Variants in NALF1 observed in about 807,000 individuals in gnomAD.
NALF1 encodes NALCN channel auxiliary factor 1.
In NALF1, 3 loss-of-function variants were observed where a neutral mutation model predicts 48.4. The ratio of observed to expected loss-of-function variants is 0.06; its 90% CI spans 0.03 to 0.16. NALF1 has a LOEUF of 0.16. Among genes scored for constraint, NALF1 ranks in the 10% least tolerant of loss-of-function variants. The pLI is 1.00. For synonymous variants in NALF1, 262 were observed against 245.7 expected (o/e 1.07, Z -0.62); for missense variants, 526 against 571.5 (o/e 0.92, Z 0.81).
intron 1 of NALF1, among the ~76,000 whole-genome samples, chr13:107,782,594 A>T (rs1483487578): frequency 4.9e-5 from 7 of 141,772 alleles, no homozygotes; most frequent in African/African-American, 1.9e-4. Flanking sequence ...CTGCCATCCC[A>T]TCTAGGAAGT....
At chr13:107,640,997 G>A (rs1347915718) in intron 1 of NALF1, among the ~76,000 whole-genome samples, 1 of 152,174 alleles carries the variant, frequency 6.6e-6, no homozygotes, top group Non-Finnish European at 1.5e-5. Flanking sequence ...GCCAAAATAT[G>A]AAATCAACCT....
At chr13:107,174,016 C>A (rs1460972073) in intron 2 of NALF1, among the ~76,000 whole-genome samples, 1 of 152,114 alleles carries the variant, frequency 6.6e-6, no homozygotes, top group African/African-American at 2.4e-5. Flanking sequence ...GTTCCAAGAG[C>A]TCCTTTGTGT....
At chr13:107,756,704 G>T (rs1486734499) in intron 1 of NALF1, among the ~76,000 whole-genome samples, 1 of 152,040 alleles carries the variant, frequency 6.6e-6, no homozygotes, top group Non-Finnish European at 1.5e-5. Flanking sequence ...CACGTCATGG[G>T]TCGGAGGCCA....
At chr13:107,776,309 T>C (rs556913447) in intron 1 of NALF1, among the ~76,000 whole-genome samples, 1 of 152,266 alleles carries the variant, frequency 6.6e-6, no homozygotes, top group East Asian at 1.9e-4. Flanking sequence ...TTTTAATGTC[T>C]AGGTACCTTG....
At chr13:107,537,039 T>C (rs960461794) in intron 1 of NALF1, among the ~76,000 whole-genome samples, 1 of 152,026 alleles carries the variant, frequency 6.6e-6, no homozygotes, top group East Asian at 1.9e-4. Flanking sequence ...ATGAGAACAC[T>C]TGGACACAGG....
intron 1 of NALF1, among the ~76,000 whole-genome samples, chr13:107,280,624 A>T (rs912689765): frequency 3.3e-5 from 5 of 152,250 alleles, no homozygotes; most frequent in Non-Finnish European, 7.3e-5. Context: ...TTCTTAGCAT[A>T]AAATTTTTCC....
At chr13:107,629,997 T>C (rs942834677) in intron 1 of NALF1, among the ~76,000 whole-genome samples, 2 of 152,132 alleles carry the variant, frequency 1.3e-5, no homozygotes, top group African/African-American at 4.8e-5. Flanking sequence ...ATCTGTCTAT[T>C]TGTCTAATCT....
chr13:107,677,320 G>A (rs1025217327), intron 1 of NALF1, among the ~76,000 whole-genome samples: 13 of 152,160 alleles, frequency 8.5e-5, no homozygotes, highest in Admixed American at 2.0e-4. Flanking sequence ...GGGATTACAG[G>A]CATGAGCCAC....
At chr13:107,361,462 A>G (rs1883059028) in intron 1 of NALF1, among the ~76,000 whole-genome samples, 1 of 152,182 alleles carries the variant, frequency 6.6e-6, no homozygotes, top group Admixed American at 6.5e-5. Context: ...AAGACATTCA[A>G]GGCAAAAGGA....
intron 1 of NALF1, among the ~76,000 whole-genome samples, chr13:107,373,910 A>T (rs1883291869): frequency 6.6e-6 from 1 of 152,188 alleles, no homozygotes; most frequent in South Asian, 2.1e-4. Context: ...TGAAAAAATT[A>T]TGAGACTGCC....
intron 2 of NALF1, among the ~76,000 whole-genome samples, chr13:107,207,994 G>A (rs1160323062): frequency 6.6e-6 from 1 of 152,118 alleles, no homozygotes; most frequent in Non-Finnish European, 1.5e-5. Flanking sequence ...ACCGATGATG[G>A]GAAATGATGG....
At position 107,717,547 on chromosome 13, in the gene NALF1, C is replaced by T. The variant is rs147144046; in HGVS notation, c.915+148135G>A. Reference sequence around the variant, plus strand: ...TCAGAATGTGTTCATTAAGGTATCTCGGAGATGTTAGGTAAAAAGCTACGT... The same window carrying T: ...TCAGAATGTGTTCATTAAGGTATCTTGGAGATGTTAGGTAAAAAGCTACGT... On this transcript the variant is annotated intron_variant, in intron 1 of 2. Transcript: ENST00000375915. Among the ~76,000 whole-genome samples the T allele has an allele frequency of 2.6e-3, 391 of 150,522 alleles. 2 individuals are homozygous for T. Among genetic ancestry groups the T allele is most frequent in the African/African-American group, 9.3e-3 (379 of 40,852 alleles).
intron 1 of NALF1, among the ~76,000 whole-genome samples, chr13:107,267,137 T>C (rs1428516662): frequency 2.6e-5 from 4 of 152,222 alleles, no homozygotes; most frequent in African/African-American, 4.8e-5. Context: ...CCCTCCACCA[T>C]GCTTTGTGCA....
At chr13:107,581,308 G>C (rs1026704412) in intron 1 of NALF1, among the ~76,000 whole-genome samples, 4 of 152,062 alleles carry the variant, frequency 2.6e-5, no homozygotes, top group Non-Finnish European at 5.9e-5. Flanking sequence ...ACCAGAACAG[G>C]GGGAACAGAA....
intron 1 of NALF1, among the ~76,000 whole-genome samples, chr13:107,374,058 C>G (rs35423989): frequency 1.5e-4 from 23 of 152,186 alleles, no homozygotes; most frequent in Non-Finnish European, 2.9e-5. Context: ...ATATTCACTT[C>G]TCTGAATTTT....
chr13:107,714,255 A>G (rs1875683816), intron 1 of NALF1, among the ~76,000 whole-genome samples: 1 of 152,240 alleles, frequency 6.6e-6, no homozygotes, highest in African/African-American at 2.4e-5. Flanking sequence ...TATAATGCTT[A>G]GAATTCACAA....
At chr13:107,731,967 G>A (rs1311117391) in intron 1 of NALF1, among the ~76,000 whole-genome samples, 4 of 152,102 alleles carry the variant, frequency 2.6e-5, no homozygotes, top group Non-Finnish European at 4.4e-5. Flanking sequence ...GTAGGAATTT[G>A]TATGATGAAG....
chr13:107,710,730 T>A (rs943247713), intron 1 of NALF1, among the ~76,000 whole-genome samples: 18 of 150,660 alleles, frequency 1.2e-4, no homozygotes, highest in African/African-American at 4.1e-4. Context: ...ATTACAATTT[T>A]TATATATATA....
chr13:107,561,401 T>C (rs1877640483), intron 1 of NALF1, among the ~76,000 whole-genome samples: 1 of 152,128 alleles, frequency 6.6e-6, no homozygotes, highest in Non-Finnish European at 1.5e-5. Context: ...TCACTTTGGG[T>C]TTTTCTTATG....
Sources: allele counts gnomAD v4.1 joint callset (sites outside exome capture counted in the v4.1 genomes callset), GRCh38; gene constraint gnomAD v4.1.1; transcripts MANE v1.5; gene names NCBI Gene and HGNC (gene_info 2026-07-23, HGNC 2026-07-21).